KAZN: variants seen among roughly 807,000 people sequenced by gnomAD.
KAZN encodes the protein kazrin.
Under a neutral mutation model 87.4 loss-of-function variants are expected in KAZN, and 40 were observed. The observed-to-expected ratio is 0.46, with a 90% CI of 0.36 to 0.60. KAZN has a LOEUF of 0.60. Among genes scored for constraint, KAZN ranks in the 20% least tolerant of loss-of-function variants. The pLI, the probability that KAZN is intolerant of heterozygous loss-of-function variation, is 0.00. For synonymous variants in KAZN, 466 were observed against 458.3 expected (o/e 1.02, Z -0.22); for missense variants, 898 against 1,073.9 (o/e 0.84, Z 2.29).
intron 1 of KAZN, among the ~76,000 whole-genome samples, chr1:14,950,867 G>C (rs1051336319): frequency 1.3e-5 from 2 of 152,140 alleles, no homozygotes. Context: ...GGCCCAGAAA[G>C]GAAGAGTGCA....
In KAZN at chr1:14,599,770, C is replaced by A. The variant is rs72863650; in HGVS notation, c.226+547C>A. On this transcript the variant is annotated intron_variant, in intron 1 of 14. Coordinates refer to ENST00000376030, the MANE Select transcript of KAZN (RefSeq NM_201628.3). This position sits in a 1 kb window ranked among gnomAD's most constrained non-coding sequence, Gnocchi z 4.4. ...TTTGAGGTCTCTCAGGCATTGGAAT[C>A]TATAGATGCAACAGTAGATGCTCAG... Among the ~76,000 whole-genome samples the A allele has an allele frequency of 0.011, 1,729 of 152,232 alleles. 38 individuals carry two copies. Among genetic ancestry groups the A allele is most frequent in the African/African-American group, 0.039 (1,620 of 41,522 alleles).
chr1:15,082,342 T>G (rs894943577), intron 8 of KAZN, among the ~76,000 whole-genome samples: 4 of 152,180 alleles, frequency 2.6e-5, no homozygotes, highest in African/African-American at 9.7e-5. Flanking sequence ...CAGGGAGCTC[T>G]GCATCCAGGC....
At chr1:14,007,468 G>A (rs1640085653) in intron 1 of KAZN, among the ~76,000 whole-genome samples, 2 of 152,160 alleles carry the variant, frequency 1.3e-5, no homozygotes, top group Non-Finnish European at 2.9e-5. Flanking sequence ...TTCCCAAGCA[G>A]ATATGCACAC....
At chr1:14,004,106 A>C (rs1057279940) in intron 1 of KAZN, among the ~76,000 whole-genome samples, 53 of 39,574 alleles carry the variant, frequency 1.3e-3, no homozygotes, top group Admixed American at 2.9e-3. Flanking sequence ...TAAACTGCCC[A>C]AAAAAAAAGC....
chr1:14,898,991 G>C (rs1223005875), intron 1 of KAZN, among the ~76,000 whole-genome samples: 1 of 152,186 alleles, frequency 6.6e-6, no homozygotes, highest in African/African-American at 2.4e-5. Context: ...TTGGGACTCA[G>C]CTCTGCTGTG....
chr1:14,193,679 T>C (rs930302756), intron 2 of KAZN, among the ~76,000 whole-genome samples: 1 of 132,302 alleles, frequency 7.6e-6, no homozygotes, highest in Non-Finnish European at 1.6e-5. Context: ...TTTTTTTTTT[T>C]ACCAGGTATA....
intron 1 of KAZN, among the ~76,000 whole-genome samples, chr1:13,935,882 G>GTT: frequency 7.4e-6 from 1 of 134,802 alleles, no homozygotes; most frequent in Non-Finnish European, 1.5e-5. Flanking sequence ...GTGTGTGTGT[G>GTT]TGTGTGTGTG....
intron 1 of KAZN, among the ~76,000 whole-genome samples, chr1:14,640,507 G>A (rs1680337520): frequency 6.6e-6 from 1 of 152,154 alleles, no homozygotes; most frequent in Admixed American, 6.5e-5. Context: ...GCTATACTTG[G>A]TTTCTATCCT....
chr1:14,631,388 G>A (rs1679553120), intron 1 of KAZN, among the ~76,000 whole-genome samples: 1 of 152,188 alleles, frequency 6.6e-6, no homozygotes, highest in Non-Finnish European at 1.5e-5. Flanking sequence ...CTGAGGCTAG[G>A]GCTGGGAATT....
intron 1 of KAZN, among the ~76,000 whole-genome samples, chr1:14,899,074 C>A (rs1360547827): frequency 6.6e-6 from 1 of 152,196 alleles, no homozygotes; most frequent in Non-Finnish European, 1.5e-5. Flanking sequence ...TGACATGTTC[C>A]CTCTTGGAGA....
intron 1 of KAZN, among the ~76,000 whole-genome samples, chr1:13,954,697 A>G (rs1015725608): frequency 6.6e-6 from 1 of 152,208 alleles, no homozygotes; most frequent in Admixed American, 6.5e-5. Context: ...ATCACCATGC[A>G]AGACTTCAGA....
chr1:14,874,205 G>C (rs1652489975), intron 1 of KAZN, among the ~76,000 whole-genome samples: 1 of 152,182 alleles, frequency 6.6e-6, no homozygotes, highest in Non-Finnish European at 1.5e-5. Context: ...AGAATCCAAG[G>C]ATTGAGCTCT....
chr1:15,050,938 C>T (rs1674333894), intron 4 of KAZN, among the ~76,000 whole-genome samples: 2 of 152,216 alleles, frequency 1.3e-5, no homozygotes, highest in South Asian at 4.1e-4. Context: ...CCACCCGTAC[C>T]CCTGAGATCT....
chr1:14,039,153 G>C (rs922330407), intron 1 of KAZN, among the ~76,000 whole-genome samples: 3 of 137,478 alleles, frequency 2.2e-5, no homozygotes, highest in African/African-American at 8.4e-5. Flanking sequence ...CCTGGCGTCA[G>C]AGTGAGACTC....
chr1:14,676,410 G>A (rs960078697), intron 1 of KAZN, among the ~76,000 whole-genome samples: 2 of 125,292 alleles, frequency 1.6e-5, no homozygotes, highest in African/African-American at 2.8e-5. Context: ...GCCTTACCTA[G>A]GGAGGCCACT....
rs1210658199 is a variant in KAZN at position 14,142,842 on chromosome 1, A to G, written c.92-37593A>G. On this transcript the variant is annotated intron_variant, in intron 1 of 16. Coordinates refer to the KAZN transcript ENST00000636203. The stretch of plus-strand genomic sequence containing the variant: ...GAGCTGAATCACAGGAGTTGCCTCT[A>G]CAATTAAGATTTGAAAAGAAGCCGC... Among the ~76,000 whole-genome samples, 5 of 152,196 alleles carry G rather than the reference A, an allele frequency of 3.3e-5. 1 individual carries two copies. Among genetic ancestry groups the G allele is most frequent in the African/African-American group, 7.2e-5 (3 of 41,452 alleles).
At chr1:15,059,852 T>G (rs1184075047) in intron 5 of KAZN, among the ~76,000 whole-genome samples, 3 of 152,016 alleles carry the variant, frequency 2.0e-5, no homozygotes, top group Non-Finnish European at 4.4e-5. Context: ...TCAAGCACTT[T>G]CCTGTATTGG....
chr1:14,236,604 T>C (rs574694799), intron 2 of KAZN, among the ~76,000 whole-genome samples: 2 of 152,112 alleles, frequency 1.3e-5, no homozygotes, highest in Non-Finnish European at 2.9e-5. Flanking sequence ...TGAAGCTAAT[T>C]TCATCCATGA....
intron 1 of KAZN, among the ~76,000 whole-genome samples, chr1:14,764,889 C>T (rs1213479646): frequency 6.6e-6 from 1 of 152,190 alleles, no homozygotes; most frequent in African/African-American, 2.4e-5. Context: ...GTGCTGCATA[C>T]TGGATGTTAT....
Sources: gnomAD v4.1 joint callset for allele counts (sites outside exome capture counted in the v4.1 genomes callset) on GRCh38, gnomAD v4.1.1 for gene constraint, Gnocchi (gnomAD v3.1) non-coding constraint, MANE v1.5 for transcripts, NCBI Gene and HGNC (gene_info 2026-07-23, HGNC 2026-07-21) for gene names.